The following WIPF1 variants were observed in gnomAD, a reference collection of about 807,000 sequenced individuals.
The protein encoded by WIPF1 is WAS/WASL interacting protein family member 1, also known as WAS/WASL-interacting protein family member 1.
In WIPF1, 13 loss-of-function variants were observed where a neutral mutation model predicts 35.4. The observed-to-expected ratio is 0.37, with a 90% confidence interval of 0.24 to 0.58. WIPF1 has a LOEUF of 0.58. WIPF1 is among the 20% of genes least tolerant of loss of function. The pLI is 0.74. For missense variants in WIPF1, 591 were observed against 667.0 expected (o/e 0.89, Z 1.25); for synonymous variants, 267 against 266.3 (o/e 1.00, Z -0.02).
In WIPF1 at chr2:174,562,247, T is replaced by A. The variant is rs1051409295; in HGVS notation, c.*300A>T. 7.5e-5 allele frequency: 115 copies of A among 1,542,140 alleles called. No homozygotes were observed. The highest frequency in any genetic ancestry group is 9.2e-5 in the Non-Finnish European group (105 of 1,140,992). ...TAAGCAGTGAATGTTTGAATTTGGTTGGTGGAAAGCTGGGATGCAAGTCAT... is the reference window on the plus strand; with the variant it reads ...TAAGCAGTGAATGTTTGAATTTGGTAGGTGGAAAGCTGGGATGCAAGTCAT... On this transcript the variant is annotated 3_prime_UTR_variant, in exon 8 of 8. Coordinates refer to ENST00000679041, the MANE Select transcript of WIPF1 (RefSeq NM_001375834.1).
chr2:174,623,940 C>T (rs571666106), intron 1 of WIPF1, among the ~76,000 whole-genome samples: 1 of 152,138 alleles, frequency 6.6e-6, no homozygotes, highest in East Asian at 1.9e-4. Flanking sequence ...CAGTCTGGTG[C>T]TTTGTGGATG....
intron 1 of WIPF1, among the ~76,000 whole-genome samples, chr2:174,621,382 A>T (rs1408698954): frequency 1.3e-5 from 2 of 152,184 alleles, no homozygotes; most frequent in Non-Finnish European, 2.9e-5. Context: ...CAGAAAGTGA[A>T]TGAAATATCC....
chr2:174,612,198 A>G (rs1686369276), intron 1 of WIPF1, among the ~76,000 whole-genome samples: 1 of 152,120 alleles, frequency 6.6e-6, no homozygotes, highest in Admixed American at 6.5e-5. Context: ...TACCCCACCT[A>G]TTTTTAAAAA....
intron 1 of WIPF1, among the ~76,000 whole-genome samples, chr2:174,586,453 A>G (rs1685425800): frequency 6.6e-6 from 1 of 152,186 alleles, no homozygotes; most frequent in Non-Finnish European, 1.5e-5. Flanking sequence ...CTGAAAACAA[A>G]GGGAAGACCA....
chr2:174,577,484 TTTCTAAATATTCAGTCTGTGGATCC>T (rs1260268830), intron 3 of WIPF1, among the ~76,000 whole-genome samples: 1 of 152,248 alleles, frequency 6.6e-6, no homozygotes, highest in Non-Finnish European at 1.5e-5. Flanking sequence ...GTTTTTTCCC[TTTCTAAATATTCAGTCTGTGGATCC>T]TTCTATTTTA....
At chr2:174,660,593 C>T (rs1352706418) in intron 1 of WIPF1, among the ~76,000 whole-genome samples, 4 of 151,938 alleles carry the variant, frequency 2.6e-5, no homozygotes, top group Non-Finnish European at 4.4e-5. Context: ...TGTTGGGTCT[C>T]GGGGGAAACA....
At chr2:174,656,332 C>G (rs903720206) in intron 1 of WIPF1, 1 of 152,174 alleles carries the variant, frequency 6.6e-6, no homozygotes, top group African/African-American at 2.4e-5. Flanking sequence ...CAATATGTAA[C>G]TGTGATAAAC....
In WIPF1 at chr2:174,594,998, C is replaced by T. The variant is rs1302897311; in HGVS notation, c.-39+2603G>A. On this transcript the variant is annotated intron_variant, in intron 1 of 7. Transcript: ENST00000679041. ...GGTGTCGTAGCTCATGACTATAATC[C>T]CAGCACTCTGGGAGGCCAGGGTGGG... 2.0e-5 allele frequency among the ~76,000 whole-genome samples: 3 copies of T among 147,014 alleles called. No homozygotes were observed. The East Asian group carries it at 6.0e-4, about 29-fold the overall frequency.
Position 174,572,168 on chromosome 2 carries a change from G to A in WIPF1, c.637C>T (p.Pro213Ser), listed in dbSNP as rs1433747249. The change falls in exon 5 of 8, where the codon CCC (proline) becomes TCC (serine). Residue 213 changes from proline (P) to serine (S), a missense_variant. Transcript: ENST00000679041. ...SPPVPGGPRQ[P>S]SPGPTPPPFP... Reference sequence around the variant, plus strand: ...GGGGGAGGAGTGGGCCCGGGGCTGGGCTGCCTGGGGCCTCCGGGCACTGGT... The same window carrying A: ...GGGGGAGGAGTGGGCCCGGGGCTGGACTGCCTGGGGCCTCCGGGCACTGGT... 5 of 1,613,808 alleles carry A rather than the reference G, an allele frequency of 3.1e-6. No individual in the cohort carries two copies. The highest frequency in any genetic ancestry group is 3.3e-5 in the Admixed American group (2 of 59,978).
At chr2:174,639,161 G>A (rs1687247054) in intron 1 of WIPF1, among the ~76,000 whole-genome samples, 1 of 152,180 alleles carries the variant, frequency 6.6e-6, no homozygotes. Context: ...ATAGAGTGAA[G>A]TATATCTCAC....
chr2:174,601,461 T>C (rs892205411), upstream of WIPF1, among the ~76,000 whole-genome samples: 3 of 151,556 alleles, frequency 2.0e-5, no homozygotes, highest in Admixed American at 6.6e-5. Flanking sequence ...ATTAAGAAAA[T>C]TGAAAACAAA....
chr2:174,659,066 G>A lies in WIPF1; in HGVS notation c.-39+23708C>T, dbSNP rs80130111. Among the ~76,000 whole-genome samples, 1,137 of 152,228 alleles carry A rather than the reference G, an allele frequency of 7.5e-3. 4 individuals are homozygous for A. Among genetic ancestry groups the A allele is most frequent in the Non-Finnish European group, 0.012 (797 of 68,008 alleles). On this transcript the variant is annotated intron_variant, in intron 1 of 8. Transcript: ENST00000272746. Reference sequence around the variant, plus strand: ...ATTATGTAAAACACTGAAATTATTTGCAGATTCAGGTTTTAGGAAATATAA... The same window carrying A: ...ATTATGTAAAACACTGAAATTATTTACAGATTCAGGTTTTAGGAAATATAA...
chr2:174,575,050 G>C, intron 4 of WIPF1, 154 bp downstream of exon 4: 3 of 917,906 alleles, frequency 3.3e-6, no homozygotes, highest in Non-Finnish European at 5.3e-6. Context: ...TAATAATAAA[G>C]CCTAAATTGA....
chr2:174,625,938 G>C (rs1209005194), intron 1 of WIPF1: 1 of 152,198 alleles, frequency 6.6e-6, no homozygotes, highest in Admixed American at 6.5e-5. Flanking sequence ...TGTGAATATG[G>C]AGGGCCAGCG....
intron 1 of WIPF1, among the ~76,000 whole-genome samples, chr2:174,654,922 C>T (rs956623639): frequency 3.3e-5 from 5 of 152,310 alleles, no homozygotes; most frequent in African/African-American, 7.2e-5. Context: ...GGCAAGGAAG[C>T]TAAGCAGAGC....
At chr2:174,662,675 A>G (rs1325134864) in intron 1 of WIPF1, among the ~76,000 whole-genome samples, 1 of 152,238 alleles carries the variant, frequency 6.6e-6, no homozygotes, top group African/African-American at 2.4e-5. Flanking sequence ...GACTCAAACC[A>G]GAGTCATAAA....
intron 1 of WIPF1, among the ~76,000 whole-genome samples, chr2:174,681,874 C>T (rs902818717): frequency 2.6e-5 from 4 of 152,210 alleles, no homozygotes; most frequent in African/African-American, 9.6e-5. Context: ...AAGACCTCAC[C>T]AGGCTCAGTT....
intron 1 of WIPF1, among the ~76,000 whole-genome samples, chr2:174,652,165 T>C (rs1476265925): frequency 2.0e-5 from 3 of 152,210 alleles, no homozygotes; most frequent in African/African-American, 7.2e-5. Flanking sequence ...TTGGTCAAAG[T>C]AGTCACAACC....
chr2:174,662,592 C>T (rs191355715), intron 1 of WIPF1, among the ~76,000 whole-genome samples: 3 of 152,296 alleles, frequency 2.0e-5, no homozygotes, highest in Admixed American at 1.3e-4. Context: ...TGGCCAGACA[C>T]GTGAGTTTCT....
Sources: gnomAD v4.1 joint callset for allele counts (sites outside exome capture counted in the v4.1 genomes callset) on GRCh38, gnomAD v4.1.1 for gene constraint, MANE v1.5 for transcripts, NCBI Gene and HGNC (gene_info 2026-07-23, HGNC 2026-07-21) for gene names.